TIAM2: variants seen among roughly 807,000 people sequenced by gnomAD.
TIAM2 encodes rho guanine nucleotide exchange factor TIAM2.
TIAM2 carries 80 observed loss-of-function variants against 152.9 expected under a neutral mutation model. That is an observed-to-expected ratio of 0.52 (90% CI 0.44 to 0.63). TIAM2 has a LOEUF of 0.63. Ranked by LOEUF, TIAM2 falls within the 30% of genes least tolerant of loss-of-function variation. The probability of loss-of-function intolerance (pLI) is 0.00; values close to 1 mark genes in which losing one functional copy is unlikely to be tolerated. For missense variants in TIAM2, 1,965 were observed against 2,120.1 expected, an observed-to-expected ratio of 0.93 and a Z score of 1.44; for synonymous variants, 804 against 838.0, an observed-to-expected ratio of 0.96 and a Z score of 0.70.
At chr6:155,048,497 A>G (rs1487304036) in intron 1 of TIAM2, among the ~76,000 whole-genome samples, 2 of 152,164 alleles carry the variant, frequency 1.3e-5, no homozygotes, top group African/African-American at 4.8e-5. Context: ...AAACGAGTAA[A>G]CAAGGCTGCA....
At chr6:155,250,435 T>A (rs1783583438) in intron 21 of TIAM2, 2 of 873,646 alleles carry the variant, frequency 2.3e-6, no homozygotes, top group Non-Finnish European at 3.4e-6. Context: ...CAAGCCAGCA[T>A]GCAGGAAGTA....
At chr6:155,133,106 G>A (rs1314200583) in intron 4 of TIAM2, among the ~76,000 whole-genome samples, 4 of 152,186 alleles carry the variant, frequency 2.6e-5, no homozygotes, top group Non-Finnish European at 4.4e-5. Flanking sequence ...TGTCATCCCA[G>A]CACTTTGGGA....
chr6:155,010,374 G>A (rs1431889938), intron 1 of TIAM2, among the ~76,000 whole-genome samples: 1 of 152,222 alleles, frequency 6.6e-6, no homozygotes, highest in Non-Finnish European at 1.5e-5. Flanking sequence ...TAAAGGGTTT[G>A]GGTAACACTG....
chr6:155,234,157 G>T (rs1782619316), intron 15 of TIAM2, among the ~76,000 whole-genome samples: 2 of 152,002 alleles, frequency 1.3e-5, no homozygotes. Flanking sequence ...CAAGTTTGTA[G>T]CATTGATTGC....
At chr6:155,116,738 T>C (rs1363007230) in intron 2 of TIAM2, among the ~76,000 whole-genome samples, 1 of 152,154 alleles carries the variant, frequency 6.6e-6, no homozygotes, top group African/African-American at 2.4e-5. Flanking sequence ...TGTTTAAGTT[T>C]TGATGTAAAC....
chr6:155,161,352 C>G (rs138058594), intron 7 of TIAM2, among the ~76,000 whole-genome samples: 2 of 152,152 alleles, frequency 1.3e-5, no homozygotes, highest in Non-Finnish European at 2.9e-5. Flanking sequence ...CTAATTTTTG[C>G]ATTTTTTTGT....
intron 2 of TIAM2, among the ~76,000 whole-genome samples, chr6:155,103,401 G>T (rs1778590811): frequency 6.6e-6 from 1 of 152,082 alleles, no homozygotes; most frequent in Non-Finnish European, 1.5e-5. Context: ...TGTATCAAAA[G>T]GTCAGAATTG....
chr6:155,024,760 G>A (rs1024063456), intron 1 of TIAM2, among the ~76,000 whole-genome samples: 1 of 151,990 alleles, frequency 6.6e-6, no homozygotes, highest in Non-Finnish European at 1.5e-5. Flanking sequence ...AAATGTCCTT[G>A]ACTTTCTTTT....
chr6:155,073,266 G>A (rs945747510), intron 1 of TIAM2, among the ~76,000 whole-genome samples: 4 of 149,890 alleles, frequency 2.7e-5, no homozygotes, highest in Admixed American at 1.3e-4. Flanking sequence ...GGGTTCAAGC[G>A]ATTCTTGTGC....
chr6:155,198,402 C>T (rs999985621), intron 14 of TIAM2, among the ~76,000 whole-genome samples: 3 of 152,156 alleles, frequency 2.0e-5, no homozygotes, highest in Non-Finnish European at 4.4e-5. Context: ...GTGGCTCACG[C>T]CTGTAATCCC....
At chr6:155,196,838 T>A (rs943172482) in intron 14 of TIAM2, among the ~76,000 whole-genome samples, 1 of 152,266 alleles carries the variant, frequency 6.6e-6, no homozygotes, top group Admixed American at 6.5e-5. Context: ...GCTATGATTA[T>A]TTATAAATTA....
At chr6:155,078,550 G>A (rs1468327815) in intron 1 of TIAM2, among the ~76,000 whole-genome samples, 1 of 152,090 alleles carries the variant, frequency 6.6e-6, no homozygotes, top group Non-Finnish European at 1.5e-5. Flanking sequence ...GGGGATCCTG[G>A]GCCTCCCTGG....
Position 155,127,498 on chromosome 6 carries a change from C to T in TIAM2, c.-109C>T, listed in dbSNP as rs1779323102. ...GCGTTTCTGTTTTTCAGGCTCACTT[C>T]ATGGACTCACTTTGCGTGCTTGTTA... is the stretch of plus-strand genomic sequence containing the variant. On this transcript the variant is annotated 5_prime_UTR_variant, in exon 3 of 27. Coordinates refer to ENST00000682666, the MANE Select transcript of TIAM2 (RefSeq NM_012454.4). 4 of 450,802 alleles carry T rather than the reference C, an allele frequency of 8.9e-6. No homozygotes were observed. Among genetic ancestry groups the T allele is most frequent in the Middle Eastern group, 6.5e-4 (2 of 3,054 alleles). 27.9% of individuals were successfully genotyped at this position (450,802 alleles called of 1,614,324 possible). A position where few individuals can be genotyped will look rare whatever the true frequency, so the allele number is the denominator to read the frequency against.
intron 8 of TIAM2, among the ~76,000 whole-genome samples, 186 bp from the exon 9 acceptor site, chr6:155,165,077 G>T (rs1780387442): frequency 6.6e-6 from 1 of 152,140 alleles, no homozygotes; most frequent in Non-Finnish European, 1.5e-5. Context: ...AGAGCTGACT[G>T]TCATGACTTG....
chr6:155,009,351 C>T (rs546207384), intron 1 of TIAM2, among the ~76,000 whole-genome samples: 189 of 152,232 alleles, frequency 1.2e-3, no homozygotes, highest in African/African-American at 4.3e-3. Flanking sequence ...GTCTGCCTGG[C>T]TTGGCCTCCC....
intron 21 of TIAM2, chr6:155,250,491 T>A: frequency 6.9e-7 from 1 of 1,441,214 alleles, no homozygotes; most frequent in Non-Finnish European, 9.4e-7. Flanking sequence ...GGACTGGAGA[T>A]CAGTCCTTCA....
intron 4 of TIAM2, among the ~76,000 whole-genome samples, chr6:155,131,346 T>TA (rs369453097): frequency 0.053 from 7,464 of 139,816 alleles, 280 homozygotes; most frequent in African/African-American, 0.11. Context: ...ACTCTGTCTT[T>TA]AAAAAAAAAA....
rs1286283318 is a variant in TIAM2, at chr6:155,062,097, C to T, written c.-208-28192C>T. On this transcript the variant is annotated intron_variant, in intron 1 of 26. Transcript: ENST00000682666. ...GCCCCTGCATCTCGCCCCCCCACCG[C>T]CCCCGCGCACCACCCCCCACTTAGG... is the stretch of plus-strand genomic sequence containing the variant. 2.2e-3 allele frequency among the ~76,000 whole-genome samples: 332 copies of T among 148,780 alleles called. 1 individual carries two copies. Among genetic ancestry groups the T allele is most frequent in the African/African-American group, 7.8e-3 (316 of 40,524 alleles).
At chr6:155,008,068 T>C (rs964679499) in intron 1 of TIAM2, among the ~76,000 whole-genome samples, 2 of 152,210 alleles carry the variant, frequency 1.3e-5, no homozygotes, top group Non-Finnish European at 2.9e-5. Context: ...CATATGTAAT[T>C]GTCGACCTTA....
Sources: gnomAD v4.1 joint callset for allele counts (sites outside exome capture counted in the v4.1 genomes callset) on GRCh38, gnomAD v4.1.1 for gene constraint, MANE v1.5 for transcripts, NCBI Gene and HGNC (gene_info 2026-07-23, HGNC 2026-07-21) for gene names.